PTGR2: variants seen among roughly 807,000 people sequenced by gnomAD.
The protein encoded by PTGR2 is 15-oxoprostaglandin 13-reductase.
A neutral mutation model predicts 43.4 loss-of-function variants in PTGR2; 32 were observed. The ratio of observed to expected loss-of-function variants is 0.74; its 90% confidence interval spans 0.56 to 0.99. The LOEUF is 0.99. Among genes scored for constraint, PTGR2 ranks in the 50% least tolerant of loss-of-function variants. The pLI is 0.00. For synonymous variants in PTGR2, 106 were observed against 139.2 expected (o/e 0.76, Z 1.68); for missense variants, 373 against 420.0 (o/e 0.89, Z 0.98).
At chr14:73,883,225 A>G (rs1225658803) in intron 9 of PTGR2, among the ~76,000 whole-genome samples, 2 of 76,764 alleles carry the variant, frequency 2.6e-5, no homozygotes, top group Non-Finnish European at 2.2e-5. Context: ...TTTTTTAAAG[A>G]GATGATCTTG....
intron 2 of PTGR2, among the ~76,000 whole-genome samples, 153 bp downstream of exon 2, chr14:73,859,052 A>G (rs1275531191): frequency 6.6e-6 from 1 of 152,176 alleles, no homozygotes; most frequent in Non-Finnish European, 1.5e-5. Flanking sequence ...AAACGATGTA[A>G]TAATTTTCAA....
At chr14:73,864,690 T>C (rs779056371) in intron 3 of PTGR2, among the ~76,000 whole-genome samples, 5 of 152,244 alleles carry the variant, frequency 3.3e-5, no homozygotes, top group African/African-American at 7.2e-5. Flanking sequence ...ATTCTTGATA[T>C]AAGCTTCTTG....
At chr14:73,883,189 T>TTTC (rs1005546368) in intron 9 of PTGR2, among the ~76,000 whole-genome samples, 42 of 4,776 alleles carry the variant, frequency 8.8e-3, no homozygotes, top group African/African-American at 0.024. Flanking sequence ...CTCACCTCCC[T>TTTC]TTTTTTTTTT....
chr14:73,864,450 C>G (rs1322759745), intron 3 of PTGR2, among the ~76,000 whole-genome samples: 2 of 152,186 alleles, frequency 1.3e-5, no homozygotes, highest in East Asian at 3.8e-4. Context: ...CTCACTAACA[C>G]TTGTTATTAT....
intron 3 of PTGR2, 113 bp downstream of exon 3, chr14:73,860,770 T>TCCC: frequency 1.6e-6 from 1 of 616,924 alleles, no homozygotes; most frequent in South Asian, 1.9e-5. Flanking sequence ...ATTTGAGCAG[T>TCCC]TATATATTGA....
intron 6 of PTGR2, 103 bp from the exon 7 acceptor site, chr14:73,879,952 G>C: frequency 8.5e-7 from 1 of 1,181,640 alleles, no homozygotes; most frequent in Non-Finnish European, 1.2e-6. Context: ...AATCGAACTA[G>C]TTGACAGAAA....
chr14:73,872,437 G>A (rs557254909), intron 3 of PTGR2, among the ~76,000 whole-genome samples: 3 of 152,198 alleles, frequency 2.0e-5, no homozygotes, highest in Non-Finnish European at 4.4e-5. Flanking sequence ...CAACATGTGA[G>A]TGTAACCTAA....
chr14:73,871,682 G>T (rs1472497455), intron 3 of PTGR2, among the ~76,000 whole-genome samples: 2 of 152,056 alleles, frequency 1.3e-5, no homozygotes, highest in Admixed American at 1.3e-4. Context: ...TGTCACAGTT[G>T]AACTGAATGG....
At chr14:73,859,883 C>T (rs1218698610) in intron 2 of PTGR2, among the ~76,000 whole-genome samples, 2 of 147,776 alleles carry the variant, frequency 1.4e-5, no homozygotes, top group Admixed American at 6.7e-5. Context: ...TTTTTTGACA[C>T]GGAGTCTCGC....
intron 6 of PTGR2, 21 bp downstream of exon 6, chr14:73,879,326 A>G: frequency 6.2e-7 from 1 of 1,603,762 alleles, no homozygotes; most frequent in East Asian, 2.2e-5. Flanking sequence ...GATTTCTATA[A>G]CAAATTTGAA....
At chr14:73,866,161 C>T (rs918330258) in intron 3 of PTGR2, among the ~76,000 whole-genome samples, 4 of 152,148 alleles carry the variant, frequency 2.6e-5, no homozygotes, top group Non-Finnish European at 5.9e-5. Context: ...ACCACCACAC[C>T]TGGCTAATAT....
At chr14:73,867,101 A>AAAAAC (rs2054615874) in intron 3 of PTGR2, among the ~76,000 whole-genome samples, 1 of 141,294 alleles carries the variant, frequency 7.1e-6, no homozygotes, top group Admixed American at 7.5e-5. Context: ...AAAAAAAAAA[A>AAAAAC]AAAAAAACAA....
chr14:73,873,861 A>G (rs1226164537), intron 3 of PTGR2, among the ~76,000 whole-genome samples, 162 bp from the exon 4 acceptor site: 3 of 152,158 alleles, frequency 2.0e-5, no homozygotes, highest in Non-Finnish European at 4.4e-5. Flanking sequence ...TATAGTCACT[A>G]TGTTGTTTCA....
At chr14:73,866,288 G>A (rs2140248718) in intron 3 of PTGR2, among the ~76,000 whole-genome samples, 1 of 152,238 alleles carries the variant, frequency 6.6e-6, no homozygotes, top group South Asian at 2.1e-4. Flanking sequence ...ACAGGCATGA[G>A]CTACTATGCC....
Position 73,880,053 on chromosome 14 carries a change from A to T in PTGR2, c.730-2A>T. ...ATTTTATCATTATTTTTCTCTGTGCAGATGAATGAGAACAGCCACATCATC... is the reference window on the plus strand; with the variant it reads ...ATTTTATCATTATTTTTCTCTGTGCTGATGAATGAGAACAGCCACATCATC... On this transcript the variant is annotated splice_acceptor_variant, in intron 6 of 9. Transcript: ENST00000555661. LOFTEE classifies it high-confidence loss of function. The T allele has an allele frequency of 6.2e-7, 1 of 1,613,690 alleles. No homozygotes were observed. The highest frequency in any genetic ancestry group is 8.5e-7 in the Non-Finnish European group (1 of 1,179,650).
chr14:73,877,401 A>T (rs2054890854), intron 5 of PTGR2: 1 of 320,810 alleles, frequency 3.1e-6, no homozygotes, highest in Admixed American at 4.4e-5. Flanking sequence ...AGTAGCTGGG[A>T]CTACAGGTGT....
chr14:73,867,614 A>C (rs981955687), intron 3 of PTGR2, among the ~76,000 whole-genome samples: 4 of 152,122 alleles, frequency 2.6e-5, no homozygotes, highest in Non-Finnish European at 5.9e-5. Context: ...AAAAACAAAA[A>C]CCAAAAAACC....
Position 73,879,264 on chromosome 14 carries a change from G to A in PTGR2, c.688G>A (p.Asp230Asn), listed in dbSNP as rs78681659. 1.2e-5 allele frequency: 19 copies of A among 1,613,950 alleles called. No individual in the cohort carries two copies. Among genetic ancestry groups the A allele is most frequent in the Non-Finnish European group, 1.5e-5 (18 of 1,180,010 alleles). Reference protein sequence around the residue: ...SCPAGVDVYFDNVGGNISDTV... With the variant: ...SCPAGVDVYFNNVGGNISDTV... Reference sequence around the variant, plus strand: ...CCCAGCTGGAGTGGATGTTTATTTTGACAATGTTGGTGGTAACATCAGTGA... The same window carrying A: ...CCCAGCTGGAGTGGATGTTTATTTTAACAATGTTGGTGGTAACATCAGTGA... The change falls in exon 6 of 10, where the codon GAC becomes AAC. Residue 230 changes from aspartate to asparagine, a missense_variant. Physicochemically the swap from Asp to Asn is conservative, Grantham distance 23. Transcript: ENST00000555661.
At chr14:73,879,362 C>T (rs2054932428) in intron 6 of PTGR2, 57 bp downstream of exon 6, 1 of 1,483,558 alleles carries the variant, frequency 6.7e-7, no homozygotes, top group African/African-American at 1.4e-5. Context: ...GTTGTGATAT[C>T]TTTTTACCTA....
Sources: gnomAD v4.1 joint callset for allele counts (sites outside exome capture counted in the v4.1 genomes callset) on GRCh38, gnomAD v4.1.1 for gene constraint, MANE v1.5 for transcripts, NCBI Gene and HGNC (gene_info 2026-07-23, HGNC 2026-07-21) for gene names.